RBFOX1: variants seen among roughly 807,000 people sequenced by gnomAD.
RBFOX1 encodes the protein RNA binding protein fox-1 homolog 1.
A neutral mutation model predicts 57.7 loss-of-function variants in RBFOX1; 8 were observed. The observed-to-expected ratio is 0.14, with a 90% confidence interval of 0.08 to 0.25. RBFOX1 has a LOEUF of 0.25. RBFOX1 is among the 10% of genes least tolerant of loss of function. The pLI, the probability that RBFOX1 is intolerant of heterozygous loss-of-function variation, is 1.00. For synonymous variants in RBFOX1, 326 were observed against 222.4 expected (o/e 1.47, Z -4.15); for missense variants, 611 against 548.5 (o/e 1.11, Z -1.14).
Position 6,019,932 on chromosome 16 carries a change from C to G in RBFOX1, c.-187C>G. The G allele has an allele frequency of 6.5e-7, 1 of 1,534,448 alleles. No individual in the cohort carries two copies. Among genetic ancestry groups the G allele is most frequent in the Non-Finnish European group, 8.7e-7 (1 of 1,146,188 alleles). On this transcript the variant is annotated 5_prime_UTR_variant, in exon 1 of 16. Coordinates refer to ENST00000550418, the MANE Select transcript of RBFOX1 (RefSeq NM_018723.4). The surrounding 1 kb of genome is among the most constrained non-coding windows in gnomAD (Gnocchi z 4.2). ...TGTGGCTGGGGGTGCAGAGAGCGCACGGGAATTCGGGGGTCTGGGGCCGAG... is the reference window on the plus strand; with the variant it reads ...TGTGGCTGGGGGTGCAGAGAGCGCAGGGGAATTCGGGGGTCTGGGGCCGAG...
At chr16:6,247,603 C>T (rs1449009421) in intron 1 of RBFOX1, among the ~76,000 whole-genome samples, 1 of 152,114 alleles carries the variant, frequency 6.6e-6, no homozygotes, top group South Asian at 2.1e-4. Flanking sequence ...ATTTTATCTG[C>T]AAAACAACCC....
intron 4 of RBFOX1, among the ~76,000 whole-genome samples, chr16:7,306,848 C>T (rs1384505628): frequency 6.6e-6 from 1 of 152,130 alleles, no homozygotes; most frequent in Non-Finnish European, 1.5e-5. Flanking sequence ...ATAGTTTAAT[C>T]TCCACATACA....
At chr16:5,784,889 T>A (rs1463197969) in intron 3 of RBFOX1, among the ~76,000 whole-genome samples, 3 of 152,134 alleles carry the variant, frequency 2.0e-5, no homozygotes, top group African/African-American at 7.2e-5. Context: ...GATCTTGGAT[T>A]TCCAGCCTCA....
At chr16:5,936,291 T>G (rs1284466184) in intron 4 of RBFOX1, among the ~76,000 whole-genome samples, 1 of 152,102 alleles carries the variant, frequency 6.6e-6, no homozygotes, top group Non-Finnish European at 1.5e-5. Context: ...GCCTGGCTAA[T>G]TTTTGTATTT....
At chr16:6,717,837 A>C (rs1366508786) in intron 3 of RBFOX1, among the ~76,000 whole-genome samples, 1 of 152,166 alleles carries the variant, frequency 6.6e-6, no homozygotes, top group Non-Finnish European at 1.5e-5. Context: ...ATTTACCCAG[A>C]TGGTGTTTCG....
intron 4 of RBFOX1, among the ~76,000 whole-genome samples, chr16:7,308,043 G>A (rs1397628642): frequency 6.6e-6 from 1 of 152,186 alleles, no homozygotes; most frequent in African/African-American, 2.4e-5. Flanking sequence ...TTCCACATTA[G>A]GGGGTTTGCA....
intron 3 of RBFOX1, among the ~76,000 whole-genome samples, chr16:6,864,850 A>G (rs574219828): frequency 9.2e-5 from 14 of 151,796 alleles, no homozygotes; most frequent in Non-Finnish European, 1.6e-4. Context: ...CCCTTTTTTT[A>G]TCTGAGGTCA....
At chr16:6,539,459 T>G (rs894450458) in intron 2 of RBFOX1, among the ~76,000 whole-genome samples, 20 of 152,174 alleles carry the variant, frequency 1.3e-4, no homozygotes, top group African/African-American at 4.8e-4. Context: ...TAGTTTTTAC[T>G]CTATTACATA....
At chr16:6,623,999 A>G (rs1414747084) in intron 2 of RBFOX1, among the ~76,000 whole-genome samples, 1 of 152,156 alleles carries the variant, frequency 6.6e-6, no homozygotes, top group Admixed American at 6.5e-5. Context: ...CTAGTTCTAG[A>G]TCCCTGAGGA....
intron 4 of RBFOX1, among the ~76,000 whole-genome samples, chr16:7,475,724 T>C (rs1041305184): frequency 3.3e-5 from 5 of 152,208 alleles, no homozygotes; most frequent in Admixed American, 1.3e-4. Flanking sequence ...GGACAAGTTA[T>C]TGAACCTATC....
chr16:6,623,520 T>G (rs1293180332), intron 2 of RBFOX1, among the ~76,000 whole-genome samples: 1 of 152,058 alleles, frequency 6.6e-6, no homozygotes, highest in East Asian at 1.9e-4. Flanking sequence ...TGCATACGTT[T>G]GCCATGTTGG....
At chr16:7,605,812 A>G (rs2095262211) in intron 9 of RBFOX1, among the ~76,000 whole-genome samples, 1 of 152,202 alleles carries the variant, frequency 6.6e-6, no homozygotes, top group Non-Finnish European at 1.5e-5. Context: ...GCAAAGGACT[A>G]CACACCTTAC....
intron 2 of RBFOX1, among the ~76,000 whole-genome samples, chr16:6,465,317 C>A (rs890816887): frequency 6.6e-6 from 1 of 152,034 alleles, no homozygotes; most frequent in African/African-American, 2.4e-5. Flanking sequence ...GGGCACTCTC[C>A]GTGTACCTTC....
chr16:6,880,562 G>A (rs543486684), intron 3 of RBFOX1, among the ~76,000 whole-genome samples: 25 of 152,236 alleles, frequency 1.6e-4, no homozygotes, highest in East Asian at 7.7e-4. Context: ...ACGTGAACTC[G>A]GAGAAGGCCA....
intron 2 of RBFOX1, among the ~76,000 whole-genome samples, chr16:5,507,163 A>T (rs892034327): frequency 6.6e-6 from 1 of 152,148 alleles, no homozygotes; most frequent in African/African-American, 2.4e-5. Flanking sequence ...TGAAGAAAAC[A>T]AATTCGGGTG....
At chr16:6,114,556 A>G (rs1032959139) in intron 1 of RBFOX1, among the ~76,000 whole-genome samples, 14 of 131,348 alleles carry the variant, frequency 1.1e-4, no homozygotes, top group African/African-American at 4.9e-4. Context: ...TCAATGGCAT[A>G]AAAGTTTTCT....
chr16:6,266,587 G>A (rs1051580953), intron 1 of RBFOX1, among the ~76,000 whole-genome samples: 3 of 151,910 alleles, frequency 2.0e-5, no homozygotes, highest in Non-Finnish European at 2.9e-5. Context: ...GGTGGCACGC[G>A]CCTGTAATCC....
chr16:6,296,503 C>T (rs1445048719), intron 1 of RBFOX1, among the ~76,000 whole-genome samples: 2 of 151,442 alleles, frequency 1.3e-5, no homozygotes, highest in African/African-American at 4.9e-5. Context: ...TCACTGCAAG[C>T]TCCGCCTCCC....
At chr16:6,819,055 C>G (rs75598343) in intron 3 of RBFOX1, among the ~76,000 whole-genome samples, 1 of 152,156 alleles carries the variant, frequency 6.6e-6, no homozygotes, top group Admixed American at 6.5e-5. Context: ...ATTGTATAAG[C>G]GACTTGAATG....
Sources: gnomAD v4.1 joint callset for allele counts (sites outside exome capture counted in the v4.1 genomes callset) on GRCh38, gnomAD v4.1.1 for gene constraint, Gnocchi (gnomAD v3.1) non-coding constraint, MANE v1.5 for transcripts, NCBI Gene and HGNC (gene_info 2026-07-23, HGNC 2026-07-21) for gene names.